Variants in GPC1 observed in about 807,000 individuals in gnomAD.
GPC1 encodes glypican 1, also known as glypican-1.
In GPC1, 26 loss-of-function variants were observed where a neutral mutation model predicts 51.5. The observed-to-expected ratio is 0.50, with a 90% CI of 0.37 to 0.70. The LOEUF is 0.70. Ranked by LOEUF, GPC1 falls within the 30% of genes least tolerant of loss-of-function variation. The pLI, the probability that GPC1 is intolerant of heterozygous loss-of-function variation, is 0.00. For missense variants in GPC1, 775 were observed against 800.5 expected, an observed-to-expected ratio of 0.97 and a Z score of 0.38; for synonymous variants, 380 against 348.3, an observed-to-expected ratio of 1.09 and a Z score of -1.01.
intron 1 of GPC1, among the ~76,000 whole-genome samples, chr2:240,439,677 C>T (rs923950135): frequency 2.6e-5 from 4 of 152,188 alleles, no homozygotes; most frequent in African/African-American, 7.2e-5. Context: ...CGGCTGGGCC[C>T]GGGAGAGCCC....
chr2:240,461,651 C>T (rs2074216985), intron 2 of GPC1, among the ~76,000 whole-genome samples: 1 of 152,168 alleles, frequency 6.6e-6, no homozygotes, highest in African/African-American at 2.4e-5. Flanking sequence ...TTCTAAATCG[C>T]AGAAGCTGAG....
intron 1 of GPC1, chr2:240,451,011 G>A (rs1490577506): frequency 2.4e-6 from 1 of 414,470 alleles, no homozygotes; most frequent in South Asian, 1.8e-5. Context: ...ACTGGGTGGT[G>A]GGGGTGGGCG....
chr2:240,450,252 C>T (rs2074085330), intron 1 of GPC1: 1 of 329,206 alleles, frequency 3.0e-6, no homozygotes, highest in Non-Finnish European at 5.9e-6. Flanking sequence ...TCATCAAAGC[C>T]CTAGGGAGAC....
chr2:240,441,072 G>A (rs2074013848), intron 1 of GPC1, among the ~76,000 whole-genome samples: 1 of 152,274 alleles, frequency 6.6e-6, no homozygotes, highest in Non-Finnish European at 1.5e-5. Flanking sequence ...GTCTGTTGGG[G>A]CTTGTACCTT....
intron 1 of GPC1, among the ~76,000 whole-genome samples, chr2:240,444,677 C>T (rs918139836): frequency 9.2e-5 from 14 of 152,206 alleles, no homozygotes; most frequent in African/African-American, 2.9e-4. Flanking sequence ...CTGTCCAGTG[C>T]GTCACAGAGC....
intron 1 of GPC1, chr2:240,453,114 C>T (rs1225259324): frequency 7.3e-6 from 2 of 275,498 alleles, no homozygotes; most frequent in Admixed American, 5.6e-5. Context: ...CCACCCCCAT[C>T]TCCACCCGCT....
chr2:240,444,105 TC>T (rs2074034654), intron 1 of GPC1, among the ~76,000 whole-genome samples: 1 of 152,260 alleles, frequency 6.6e-6, no homozygotes, highest in East Asian at 1.9e-4. Context: ...CGGCCCGGCT[TC>T]TTTGCAGCTC....
rs2073980693 is a variant in GPC1 at position 240,435,957 on chromosome 2, G to T, written c.39G>T (p.Ala13=). 2 of 1,308,930 alleles carry T rather than the reference G, an allele frequency of 1.5e-6. No individual in the cohort carries two copies. The highest frequency in any genetic ancestry group is 3.1e-5 in the African/African-American group (2 of 65,158). 81.1% of individuals were successfully genotyped at this position (1,308,930 alleles called of 1,614,324 possible). The change falls in exon 1 of 9, where the codon GCG becomes GCT. Residue 13 remains alanine (A), a synonymous_variant. Coordinates refer to ENST00000264039, the MANE Select transcript of GPC1 (RefSeq NM_002081.3). ...CCCGAGGCTGGTGGCTGCTATGTGCGGCCGCAGCGCTGGTCGCCTGCGCCC... is the reference window on the plus strand; with the variant it reads ...CCCGAGGCTGGTGGCTGCTATGTGCTGCCGCAGCGCTGGTCGCCTGCGCCC... ...LRARGWWLLC[A]AAALVACARG...
At chr2:240,443,204 G>C (rs535542265) in intron 1 of GPC1, among the ~76,000 whole-genome samples, 1 of 152,254 alleles carries the variant, frequency 6.6e-6, no homozygotes, top group Non-Finnish European at 1.5e-5. Context: ...GTTGCGTTGC[G>C]GGAGCCCAGG....
intron 1 of GPC1, among the ~76,000 whole-genome samples, chr2:240,436,921 C>T (rs552697699): frequency 1.3e-5 from 2 of 152,390 alleles, no homozygotes; most frequent in East Asian, 3.9e-4. Flanking sequence ...CTCTTCCCTC[C>T]CTGTGGTCCC....
intron 4 of GPC1, 61 bp from the exon 5 acceptor site, chr2:240,464,555 G>C: frequency 3.3e-6 from 1 of 298,530 alleles, no homozygotes; most frequent in Non-Finnish European, 4.9e-6. Flanking sequence ...CTGCGTGTGC[G>C]TGTCAACGCC....
chr2:240,444,063 C>G (rs1312119959), intron 1 of GPC1, among the ~76,000 whole-genome samples: 1 of 152,226 alleles, frequency 6.6e-6, no homozygotes, highest in Non-Finnish European at 1.5e-5. Flanking sequence ...CTGAGGGGCA[C>G]CGGGAGCGCA....
At chr2:240,451,578 G>A (rs181214818) in intron 1 of GPC1, 31 of 265,244 alleles carry the variant, frequency 1.2e-4, no homozygotes, top group Non-Finnish European at 1.7e-4. Flanking sequence ...CTGGGGGCAC[G>A]GCCTCTGGGG....
chr2:240,466,253 T>C lies in GPC1; in HGVS notation c.1640T>C (p.Phe547Ser), dbSNP rs2074261011. The C allele has an allele frequency of 6.2e-7, 1 of 1,610,210 alleles. No individual in the cohort carries two copies. The highest frequency in any genetic ancestry group is 8.5e-7 in the Non-Finnish European group (1 of 1,177,214). The change falls in exon 9 of 9, where the codon TTC (phenylalanine) becomes TCC (serine). Residue 547 changes from phenylalanine (F) to serine (S), a missense_variant. Physicochemically the swap from Phe to Ser is radical, Grantham distance 155. Transcript: ENST00000264039. ...ACCTTCCTCCTGCCCCTCCTCCTCT[T>C]CCTGGCCCTTACAGTAGCCAGGCCC... ...PPTFLLPLLL[F>S]LALTVARPRW...
At chr2:240,445,395 G>C (rs1481151050) in intron 1 of GPC1, among the ~76,000 whole-genome samples, 1 of 152,176 alleles carries the variant, frequency 6.6e-6, no homozygotes, top group Non-Finnish European at 1.5e-5. Context: ...GGTGGGGCCA[G>C]GGAGCCCAGT....
intron 7 of GPC1, 60 bp downstream of exon 7, chr2:240,465,270 C>G: frequency 6.5e-7 from 1 of 1,535,050 alleles, no homozygotes; most frequent in Non-Finnish European, 8.8e-7. Flanking sequence ...TGGGCTGTGC[C>G]TGGGCCAGGT....
intron 2 of GPC1, 50 bp downstream of exon 2, chr2:240,459,238 G>A (rs1256872467): frequency 1.3e-6 from 2 of 1,549,772 alleles, no homozygotes; most frequent in Non-Finnish European, 1.8e-6. Flanking sequence ...CGGTGCATCG[G>A]GGGAGGGGCA....
intron 1 of GPC1, chr2:240,450,991 G>A (rs2074093900): frequency 2.4e-6 from 1 of 412,576 alleles, no homozygotes; most frequent in Non-Finnish European, 5.1e-6. Context: ...TGGGGTGACT[G>A]GGTGGAGTGA....
intron 2 of GPC1, among the ~76,000 whole-genome samples, chr2:240,459,944 G>A (rs1186128559): frequency 1.3e-5 from 2 of 152,272 alleles, no homozygotes; most frequent in South Asian, 2.1e-4. Flanking sequence ...GGCGGAGCCA[G>A]GGCGCCGGGA....
Sources: allele counts gnomAD v4.1 joint callset (sites outside exome capture counted in the v4.1 genomes callset), GRCh38; gene constraint gnomAD v4.1.1; transcripts MANE v1.5; gene names NCBI Gene and HGNC (gene_info 2026-07-23, HGNC 2026-07-21).